Variants in SULT1C4 observed in about 807,000 individuals in gnomAD.
SULT1C4 encodes the protein sulfotransferase 1C4.
Under a neutral mutation model 34.8 loss-of-function variants are expected in SULT1C4, and 32 were observed. The observed-to-expected ratio is 0.92, with a 90% CI of 0.69 to 1.23. SULT1C4 has a LOEUF of 1.23. Ranked by LOEUF, SULT1C4 falls within the 50% of genes most tolerant of loss-of-function variation. The pLI is 0.00. For missense variants in SULT1C4, 375 were observed against 365.9 expected (o/e 1.02, Z -0.20); for synonymous variants, 111 against 120.5 (o/e 0.92, Z 0.51).
At chr2:108,384,473 C>T (rs1438172302) in intron 5 of SULT1C4, among the ~76,000 whole-genome samples, 1 of 152,062 alleles carries the variant, frequency 6.6e-6, no homozygotes, top group African/African-American at 2.4e-5. Context: ...GTGATCTGCC[C>T]GCCTCGGCCT....
At chr2:108,385,132 G>C (rs1430326210) in intron 5 of SULT1C4, among the ~76,000 whole-genome samples, 2 of 152,202 alleles carry the variant, frequency 1.3e-5, no homozygotes, top group African/African-American at 4.8e-5. Flanking sequence ...GAGGTTATCA[G>C]TATAAAATTC....
At chr2:108,382,316 A>C in intron 2 of SULT1C4, 69 bp from the exon 3 acceptor site, 4 of 1,220,240 alleles carry the variant, frequency 3.3e-6, no homozygotes, top group Non-Finnish European at 3.6e-6. Context: ...TAATAATGGA[A>C]GCAGCAAGAC....
chr2:108,383,308 C>T lies in SULT1C4; in HGVS notation c.520+89C>T, dbSNP rs1173943808. 5 of 1,588,754 alleles carry T rather than the reference C, an allele frequency of 3.1e-6. No homozygotes were observed. In the Admixed American group the frequency reaches 9.0e-5, roughly 29 times the overall value. ...AATCTTTTCTTTTGACCAGCAGGGG[C>T]TCTGCCTTCTTTAATGGAACATTCT... On this transcript the variant is annotated intron_variant, in intron 4 of 6. Transcript: ENST00000272452.
chr2:108,380,184 G>A (rs1400210558), intron 1 of SULT1C4, among the ~76,000 whole-genome samples: 3 of 152,156 alleles, frequency 2.0e-5, no homozygotes, highest in African/African-American at 7.2e-5. Context: ...GTTTCGGCCA[G>A]ATAATACAGG....
chr2:108,383,141 C>A lies in SULT1C4; in HGVS notation c.442C>A (p.His148Asn), dbSNP rs1678462050. Residue 148 changes from histidine to asparagine, a missense_variant, in exon 4 of 7, where the codon CAT (histidine) becomes AAT (asparagine). Coordinates refer to ENST00000272452, the MANE Select transcript of SULT1C4 (RefSeq NM_006588.4). ...CAAGGACAACATGGTGTCCTATTAC[C>A]ATTTCCAAAGAATGAATAAAGCTCT... The part of the protein sequence containing the change: ...NPKDNMVSYY[H>N]FQRMNKALPA... The A allele has an allele frequency of 1.9e-6, 3 of 1,613,040 alleles. No homozygotes were observed. In the African/African-American group the frequency reaches 4.0e-5, roughly 22 times the overall value.
chr2:108,384,292 C>G (rs1271228496), intron 5 of SULT1C4, among the ~76,000 whole-genome samples: 1 of 150,716 alleles, frequency 6.6e-6, no homozygotes, highest in Non-Finnish European at 1.5e-5. Flanking sequence ...TGCAGTGGCG[C>G]GATCTCTGGC....
Position 108,383,091 on chromosome 2 carries a change from A to G in SULT1C4, c.394-2A>G, listed in dbSNP as rs756965349. The G allele has an allele frequency of 1.3e-5, 21 of 1,572,988 alleles. No homozygotes were observed. In the Middle Eastern group the frequency reaches 1.9e-3, roughly 139 times the overall value. ...CCCTTCCCCTCCCCTCATCATTCCC[A>G]GATAATCTATGTAGCAAGAAATCCC... On this transcript the variant is annotated splice_acceptor_variant, in intron 3 of 6. Transcript: ENST00000272452. LOFTEE classifies it high-confidence loss of function.
intron 1 of SULT1C4, 120 bp from the exon 2 acceptor site, chr2:108,381,642 A>T: frequency 8.4e-7 from 1 of 1,185,514 alleles, no homozygotes; most frequent in Non-Finnish European, 1.1e-6. Flanking sequence ...ACCCTGTCTC[A>T]AAAAACAAAA....
intron 5 of SULT1C4, among the ~76,000 whole-genome samples, chr2:108,383,720 A>T (rs1326693682): frequency 6.6e-6 from 1 of 152,198 alleles, no homozygotes; most frequent in South Asian, 2.1e-4. Flanking sequence ...GCTCCCAGGG[A>T]TGCTGCACAT....
intron 1 of SULT1C4, among the ~76,000 whole-genome samples, chr2:108,380,369 G>C (rs528970897): frequency 1.9e-4 from 29 of 152,050 alleles, no homozygotes; most frequent in African/African-American, 6.7e-4. Context: ...ATAAAAATTA[G>C]CCAGGCATGG....
Position 108,378,245 on chromosome 2 carries a change from T to C in SULT1C4, c.-93T>C, listed in dbSNP as rs970794790. The C allele has an allele frequency of 1.6e-6, 2 of 1,242,850 alleles. No individual in the cohort carries two copies. Among genetic ancestry groups the C allele is most frequent in the East Asian group, 2.3e-5 (1 of 43,044 alleles). 77.0% of individuals were successfully genotyped at this position (1,242,850 alleles called of 1,614,324 possible). A position where few individuals can be genotyped will look rare whatever the true frequency, so the allele number is the denominator to read the frequency against. On this transcript the variant is annotated 5_prime_UTR_variant, in exon 1 of 7. Coordinates refer to ENST00000272452, the MANE Select transcript of SULT1C4 (RefSeq NM_006588.4). ...TAGAGGGCTGGATAGTGTGGTAGTG[T>C]GGTGGATAGAGTGCTGCCTCTATCC... is the stretch of plus-strand genomic sequence containing the variant.
chr2:108,378,262 C>CA lies in SULT1C4; in HGVS notation c.-76_-75insA. On this transcript the variant is annotated 5_prime_UTR_variant, in exon 1 of 7. Coordinates refer to ENST00000272452, the MANE Select transcript of SULT1C4 (RefSeq NM_006588.4). ...TGGTAGTGTGGTGGATAGAGTGCTG[C>CA]CTCTATCCACAACGCAGCCATATGC... The CA allele has an allele frequency of 7.9e-6, 11 of 1,395,462 alleles. No homozygotes were observed. The highest frequency in any genetic ancestry group is 1.4e-5 in the African/African-American group (1 of 69,196). 86.4% of individuals were successfully genotyped at this position (1,395,462 alleles called of 1,614,324 possible).
chr2:108,383,363 G>C, intron 4 of SULT1C4, 53 bp from the exon 5 acceptor site: 1 of 1,597,484 alleles, frequency 6.3e-7, no homozygotes. Context: ...TCCTTTCAGT[G>C]GTATAATAGG....
At position 108,388,911 on chromosome 2, in the gene SULT1C4, A is replaced by C. The variant is rs866851519; in HGVS notation, c.*1479A>C. On this transcript the variant is annotated 3_prime_UTR_variant, in exon 7 of 7. Coordinates refer to ENST00000272452, the MANE Select transcript of SULT1C4 (RefSeq NM_006588.4). ...CTACAAACACTACAACCTGGAAAGC[A>C]CTCTTGCTTTTCTGAAGTCCTCTAT... 5.9e-5 allele frequency among the ~76,000 whole-genome samples: 9 copies of C among 152,094 alleles called. No homozygotes were observed. The highest frequency in any genetic ancestry group is 4.2e-4 in the South Asian group (2 of 4,812).
chr2:108,380,138 C>G lies in SULT1C4; in HGVS notation c.170-1624C>G, dbSNP rs148315205. Among the ~76,000 whole-genome samples the G allele has an allele frequency of 1.8e-3, 273 of 152,192 alleles. No individual in the cohort carries two copies. The Middle Eastern group carries it at 0.031, about 17-fold the overall frequency. On this transcript the variant is annotated intron_variant, in intron 1 of 6. Transcript: ENST00000272452. ...TGCCCTTATTCTAGGCCTTTAAAAGCACTAAATTGAGAATATGGGAAAAGG... is the reference window on the plus strand; with the variant it reads ...TGCCCTTATTCTAGGCCTTTAAAAGGACTAAATTGAGAATATGGGAAAAGG...
At chr2:108,382,578 T>G in intron 3 of SULT1C4, 96 bp downstream of exon 3, 1 of 897,598 alleles carries the variant, frequency 1.1e-6, no homozygotes, top group Non-Finnish European at 1.8e-6. Context: ...TATATATATA[T>G]ATACCTCTTC....
In SULT1C4 at chr2:108,386,280, C is replaced by T. The variant is rs750911106; in HGVS notation, c.704C>T (p.Ser235Leu). 16 of 1,585,384 alleles carry T rather than the reference C, an allele frequency of 1.0e-5. No individual in the cohort carries two copies. The highest frequency in any genetic ancestry group is 8.8e-5 in the Admixed American group (5 of 57,044). ...KVLDKIVHYT[S>L]FDVMKQNPMA... ...CTAGATAAAATTGTCCATTACACTT[C>T]GTTTGATGTCATGAAACAGAATCCA... Residue 235 changes from serine to leucine, a missense_variant, in exon 6 of 7, where the codon TCG (serine) becomes TTG (leucine). By Grantham distance (145) the Ser-to-Leu change is moderately radical (BLOSUM62 -2). Transcript: ENST00000272452.
chr2:108,378,679 T>C (rs1295043625), intron 1 of SULT1C4, among the ~76,000 whole-genome samples, 173 bp downstream of exon 1: 1 of 150,786 alleles, frequency 6.6e-6, no homozygotes, highest in Non-Finnish European at 1.5e-5. Flanking sequence ...TAAAATGACA[T>C]ACAAATTTTT....
chr2:108,385,880 C>T (rs1309848154), intron 5 of SULT1C4, among the ~76,000 whole-genome samples: 1 of 152,140 alleles, frequency 6.6e-6, no homozygotes, highest in African/African-American at 2.4e-5. Context: ...TTGAGCAGGG[C>T]TTGTGGACAT....
Sources: gnomAD v4.1 joint callset for allele counts (sites outside exome capture counted in the v4.1 genomes callset) on GRCh38, gnomAD v4.1.1 for gene constraint, MANE v1.5 for transcripts, NCBI Gene and HGNC (gene_info 2026-07-23, HGNC 2026-07-21) for gene names.